The following SNX24 variants were observed in gnomAD, a reference collection of about 807,000 sequenced individuals.
SNX24 encodes sorting nexin-24.
SNX24 carries 22 observed loss-of-function variants against 28.7 expected under a neutral mutation model. The observed-to-expected ratio is 0.77, with a 90% CI of 0.55 to 1.10. The LOEUF is 1.10. SNX24 is among the 50% of genes least tolerant of loss of function. The pLI is 0.00. For missense variants in SNX24, 221 were observed against 201.1 expected (o/e 1.10, Z -0.60); for synonymous variants, 69 against 71.5 (o/e 0.96, Z 0.18).
intron 3 of SNX24, chr5:122,948,484 A>G (rs1581785671): frequency 6.6e-6 from 1 of 152,326 alleles, no homozygotes; most frequent in East Asian, 1.9e-4. Context: ...TCTTAAGTTC[A>G]CAAGGAACTT....
intron 1 of SNX24, among the ~76,000 whole-genome samples, chr5:122,883,914 C>T (rs189767890): frequency 1.4e-4 from 22 of 152,322 alleles, no homozygotes; most frequent in African/African-American, 5.3e-4. Context: ...CTTAGTCTCT[C>T]AAAGTGTTGG....
At chr5:122,925,422 G>C (rs1426441430) in intron 1 of SNX24, among the ~76,000 whole-genome samples, 1 of 150,978 alleles carries the variant, frequency 6.6e-6, no homozygotes, top group Non-Finnish European at 1.5e-5. Context: ...ACCATACCCA[G>C]CTAATTTTTA....
chr5:123,020,442 C>T (rs1273848516), intron 5 of SNX24, among the ~76,000 whole-genome samples: 1 of 152,128 alleles, frequency 6.6e-6, no homozygotes, highest in Non-Finnish European at 1.5e-5. Context: ...TTCTTTAAAA[C>T]AATCATTTTC....
chr5:122,988,852 T>C (rs1222524905), intron 3 of SNX24, among the ~76,000 whole-genome samples: 1 of 152,198 alleles, frequency 6.6e-6, no homozygotes, highest in African/African-American at 2.4e-5. Flanking sequence ...TATTAGGCCT[T>C]TTCTTTTTAT....
At chr5:122,853,252 G>A (rs1039948093) in intron 1 of SNX24, among the ~76,000 whole-genome samples, 27 of 147,214 alleles carry the variant, frequency 1.8e-4, no homozygotes, top group Admixed American at 1.2e-3. Flanking sequence ...TCAGCCTCCC[G>A]AGTAGCTGGG....
At chr5:122,859,843 C>T (rs2150040595) in intron 1 of SNX24, among the ~76,000 whole-genome samples, 1 of 152,182 alleles carries the variant, frequency 6.6e-6, no homozygotes, top group South Asian at 2.1e-4. Context: ...CAACTCAAAG[C>T]CAAAAGCTTC....
At chr5:122,881,249 A>G (rs1756469727) in intron 1 of SNX24, among the ~76,000 whole-genome samples, 1 of 152,078 alleles carries the variant, frequency 6.6e-6, no homozygotes, top group Admixed American at 6.5e-5. Context: ...TCACAGTTTA[A>G]TATATGGAAA....
At chr5:122,967,793 T>C (rs1581809763) in intron 3 of SNX24, among the ~76,000 whole-genome samples, 1 of 152,166 alleles carries the variant, frequency 6.6e-6, no homozygotes, top group Non-Finnish European at 1.5e-5. Context: ...AAGGCACACA[T>C]GGCTTACCAG....
intron 1 of SNX24, among the ~76,000 whole-genome samples, chr5:122,869,359 A>G (rs1755874365): frequency 6.6e-6 from 1 of 152,228 alleles, no homozygotes; most frequent in Admixed American, 6.5e-5. Flanking sequence ...TCAATAACAG[A>G]ATAACAAATA....
At chr5:122,918,985 T>C (rs1758302863) in intron 1 of SNX24, among the ~76,000 whole-genome samples, 1 of 152,216 alleles carries the variant, frequency 6.6e-6, no homozygotes, top group African/African-American at 2.4e-5. Context: ...CTTAGTGCAA[T>C]TACAACTTTT....
At chr5:123,007,414 A>G (rs1762453913) in intron 6 of SNX24, among the ~76,000 whole-genome samples, 1 of 152,230 alleles carries the variant, frequency 6.6e-6, no homozygotes, top group African/African-American at 2.4e-5. Context: ...GAGGCCTAGC[A>G]GCATTAACTG....
At chr5:122,871,762 C>T (rs1755991958) in intron 1 of SNX24, among the ~76,000 whole-genome samples, 1 of 152,082 alleles carries the variant, frequency 6.6e-6, no homozygotes, top group Admixed American at 6.6e-5. Context: ...AAAAGTGAAA[C>T]TCTGTCTCAA....
At chr5:122,942,510 A>G (rs763193551) in intron 2 of SNX24, among the ~76,000 whole-genome samples, 39 of 152,108 alleles carry the variant, frequency 2.6e-4, no homozygotes, top group Non-Finnish European at 5.1e-4. Flanking sequence ...TGTACTTGGG[A>G]AAAGTATTTC....
chr5:122,959,435 A>C (rs376611714), intron 3 of SNX24, among the ~76,000 whole-genome samples: 3 of 151,492 alleles, frequency 2.0e-5, no homozygotes, highest in Non-Finnish European at 4.4e-5. Context: ...AGGTCTTGCT[A>C]TGTTGCCAGT....
At chr5:122,915,653 T>C (rs1758127937) in intron 1 of SNX24, among the ~76,000 whole-genome samples, 1 of 152,146 alleles carries the variant, frequency 6.6e-6, no homozygotes, top group African/African-American at 2.4e-5. Context: ...TTTTTCATAG[T>C]GCACATCTGA....
At chr5:122,981,605 A>G (rs1390489618) in intron 3 of SNX24, among the ~76,000 whole-genome samples, 2 of 152,226 alleles carry the variant, frequency 1.3e-5, no homozygotes, top group African/African-American at 4.8e-5. Flanking sequence ...TTTTGTCTGT[A>G]CAGTTTAAGA....
intron 1 of SNX24, among the ~76,000 whole-genome samples, chr5:122,915,121 T>C (rs1007815204): frequency 6.6e-6 from 1 of 152,126 alleles, no homozygotes; most frequent in Non-Finnish European, 1.5e-5. Flanking sequence ...ATCTGAAAAA[T>C]CTGAAATCTG....
intron 3 of SNX24, among the ~76,000 whole-genome samples, chr5:122,969,792 T>A: frequency 6.6e-6 from 1 of 152,130 alleles, no homozygotes; most frequent in East Asian, 1.9e-4. Context: ...TGAGACCTTC[T>A]TTATATTCCA....
chr5:122,856,253 T>C (rs1755185113), intron 1 of SNX24, among the ~76,000 whole-genome samples: 1 of 152,146 alleles, frequency 6.6e-6, no homozygotes, highest in South Asian at 2.1e-4. Flanking sequence ...TGTGTGTTTG[T>C]TAGGTTAATG....
Sources: allele counts gnomAD v4.1 joint callset (sites outside exome capture counted in the v4.1 genomes callset), GRCh38; gene constraint gnomAD v4.1.1; transcripts MANE v1.5; gene names NCBI Gene and HGNC (gene_info 2026-07-23, HGNC 2026-07-21).